The following UTRN variants were observed in gnomAD, a reference collection of about 807,000 sequenced individuals.
UTRN encodes the protein utrophin.
UTRN carries 283 observed loss-of-function variants against 463.9 expected under a neutral mutation model. The observed-to-expected ratio is 0.61, with a 90% confidence interval of 0.55 to 0.67. The LOEUF is 0.67. UTRN is among the 30% of genes least tolerant of loss of function. The pLI is 0.00. For missense variants in UTRN, 3,922 were observed against 4,084.3 expected (o/e 0.96, Z 1.08); for synonymous variants, 1,442 against 1,431.5 (o/e 1.01, Z -0.17).
At chr6:144,513,287 G>A (rs373272703) in intron 35 of UTRN, among the ~76,000 whole-genome samples, 29 of 152,122 alleles carry the variant, frequency 1.9e-4, no homozygotes, top group East Asian at 5.8e-4. Context: ...GTGTGGTGGC[G>A]CACACCTGTA....
intron 54 of UTRN, among the ~76,000 whole-genome samples, chr6:144,743,182 A>C (rs1355122433): frequency 6.6e-6 from 1 of 152,244 alleles, no homozygotes; most frequent in East Asian, 1.9e-4. Flanking sequence ...TGGCTACTAT[A>C]AAATCAATAT....
chr6:144,624,452 T>C (rs1562666654), intron 51 of UTRN, among the ~76,000 whole-genome samples: 3 of 152,024 alleles, frequency 2.0e-5, no homozygotes, highest in African/African-American at 2.4e-5. Context: ...TCACTGAAAA[T>C]GGAAAAGCAG....
chr6:144,393,582 G>A (rs62427161), intron 2 of UTRN, among the ~76,000 whole-genome samples: 1,623 of 152,324 alleles, frequency 0.011, 17 homozygotes, highest in Non-Finnish European at 0.016. Flanking sequence ...GGTACAGCAG[G>A]ATGGCTCTGT....
intron 51 of UTRN, among the ~76,000 whole-genome samples, chr6:144,600,159 T>G (rs1804093424): frequency 6.6e-6 from 1 of 152,190 alleles, no homozygotes; most frequent in East Asian, 1.9e-4. Flanking sequence ...GGCCTCCCTA[T>G]TCCCTGAGAC....
In UTRN at chr6:144,438,844, C is replaced by G; in HGVS notation, c.1341C>G (p.Cys447Trp). 1 of 1,614,174 alleles carries G rather than the reference C, an allele frequency of 6.2e-7. No individual in the cohort carries two copies. Among genetic ancestry groups the G allele is most frequent in the Non-Finnish European group, 8.5e-7 (1 of 1,180,022 alleles). The change falls in exon 12 of 75, where the codon TGC becomes TGG. Residue 447 changes from cysteine to tryptophan, a missense_variant. Around this residue, in one of 3 missense-constraint regions of UTRN, gnomAD observed 2,349 missense variants for 2,303.8 expected, o/e 1.02. Coordinates refer to ENST00000367545, the MANE Select transcript of UTRN (RefSeq NM_007124.3). The part of the protein sequence containing the change: ...TEERIQKMET[C>W]PLDDDVKSLQ... ...AGCGCATTCAGAAGATGGAAACTTGCCCCCTGGATGATGATGTAAAATCTC... is the reference window on the plus strand; with the variant it reads ...AGCGCATTCAGAAGATGGAAACTTGGCCCCTGGATGATGATGTAAAATCTC...
chr6:144,727,278 A>G (rs1392929205), intron 53 of UTRN, among the ~76,000 whole-genome samples: 1 of 151,884 alleles, frequency 6.6e-6, no homozygotes, highest in Non-Finnish European at 1.5e-5. Flanking sequence ...TTTCTGGTTG[A>G]TCTTTTGTGC....
intron 2 of UTRN, among the ~76,000 whole-genome samples, chr6:144,365,034 C>T (rs893436014): frequency 6.6e-6 from 1 of 152,172 alleles, no homozygotes; most frequent in Non-Finnish European, 1.5e-5. Flanking sequence ...CTCAATTTAC[C>T]CCTTGCTGTG....
rs868557236 is a variant in UTRN, at chr6:144,650,887, C to T, written c.7480-27519C>T. On this transcript the variant is annotated intron_variant, in intron 51 of 74. Coordinates refer to ENST00000367545, the MANE Select transcript of UTRN (RefSeq NM_007124.3). ...CTGCGCTACTGCACTCCAGCCTGAG[C>T]GACAGAGCAAGACTCTGTCTCAAAT... Among the ~76,000 whole-genome samples, 16 of 151,988 alleles carry T rather than the reference C, an allele frequency of 1.1e-4. No homozygotes were observed. In the South Asian group the frequency reaches 3.1e-3, roughly 30 times the overall value.
At chr6:144,765,700 T>C (rs1793226450) in intron 58 of UTRN, among the ~76,000 whole-genome samples, 1 of 152,188 alleles carries the variant, frequency 6.6e-6, no homozygotes, top group Admixed American at 6.5e-5. Context: ...CATGAGCCAC[T>C]GTGCCCAGCT....
chr6:144,775,433 T>C (rs1328401151), intron 60 of UTRN, among the ~76,000 whole-genome samples: 1 of 152,204 alleles, frequency 6.6e-6, no homozygotes, highest in Non-Finnish European at 1.5e-5. Flanking sequence ...GACTTTTGCA[T>C]AATCCACAGA....
At chr6:144,699,999 T>C in intron 52 of UTRN, 88 bp from the exon 53 acceptor site, 5 of 1,349,588 alleles carry the variant, frequency 3.7e-6, no homozygotes, top group Non-Finnish European at 4.9e-6. Context: ...TCAGATAAGA[T>C]TATTATGCTA....
At chr6:144,803,234 CTT>C in intron 65 of UTRN, 87 bp downstream of exon 65, 2 of 836,262 alleles carry the variant, frequency 2.4e-6, no homozygotes, top group Non-Finnish European at 3.2e-6. Flanking sequence ...TAGACTTAAT[CTT>C]TTTTGAAAAA....
chr6:144,668,772 A>G lies in UTRN; in HGVS notation c.7480-9634A>G, dbSNP rs565997943. 4.6e-5 allele frequency among the ~76,000 whole-genome samples: 7 copies of G among 152,262 alleles called. No individual in the cohort carries two copies. The South Asian group carries it at 1.0e-3, about 23-fold the overall frequency. On this transcript the variant is annotated intron_variant, in intron 51 of 74. Coordinates refer to ENST00000367545, the MANE Select transcript of UTRN (RefSeq NM_007124.3). ...CCCAAAGGCCCCACCTCCTAATACC[A>G]TTATTGTCAGGGTTAGGGGTTCAAA... is the stretch of plus-strand genomic sequence containing the variant.
intron 2 of UTRN, among the ~76,000 whole-genome samples, chr6:144,313,038 G>A (rs538041699): frequency 5.6e-4 from 86 of 152,254 alleles, no homozygotes; most frequent in Non-Finnish European, 1.1e-3. Context: ...AGGTGGCTCC[G>A]CTTCATATGG....
intron 61 of UTRN, among the ~76,000 whole-genome samples, chr6:144,787,592 C>T (rs899466853): frequency 1.3e-5 from 2 of 152,050 alleles, no homozygotes; most frequent in Non-Finnish European, 2.9e-5. Flanking sequence ...CTTTATATGT[C>T]ATAATATGCG....
At chr6:144,839,070 G>C (rs892070050) in intron 71 of UTRN, 103 bp from the exon 72 acceptor site, 1 of 835,012 alleles carries the variant, frequency 1.2e-6, no homozygotes, top group African/African-American at 1.7e-5. Context: ...ACTTCTATAT[G>C]ATTTAATTAT....
chr6:144,343,924 C>T (rs1777345428), intron 2 of UTRN, among the ~76,000 whole-genome samples: 1 of 151,888 alleles, frequency 6.6e-6, no homozygotes, highest in Admixed American at 6.6e-5. Flanking sequence ...AAGTTATAAT[C>T]TCTGTCATAG....
rs773651955 is a variant in UTRN at position 144,548,665 on chromosome 6, G to A, written c.6621G>A (p.Val2207=). ...CTCATCCTAATGTCCAAAAGGTGGT[G>A]CTAGTATCATCTGCGTCAGATATTC... ...IAAHPNVQKV[V]LVSSASDIPV... The change falls in exon 47 of 75, where the codon GTG becomes GTA. Residue 2207 remains valine (V), a synonymous_variant. Coordinates refer to ENST00000367545, the MANE Select transcript of UTRN (RefSeq NM_007124.3). 1.9e-6 allele frequency: 3 copies of A among 1,613,896 alleles called. No individual in the cohort carries two copies. Among genetic ancestry groups the A allele is most frequent in the Non-Finnish European group, 2.5e-6 (3 of 1,179,924 alleles).
chr6:144,833,011 G>C (rs1231031483), intron 69 of UTRN, among the ~76,000 whole-genome samples: 1 of 151,990 alleles, frequency 6.6e-6, no homozygotes, highest in African/African-American at 2.4e-5. Flanking sequence ...GTAGAGATGG[G>C]GTTTCACCAT....
Sources: allele counts gnomAD v4.1 joint callset (sites outside exome capture counted in the v4.1 genomes callset), GRCh38; gene constraint gnomAD v4.1.1; regional missense constraint gnomAD v4.1.1; transcripts MANE v1.5; gene names NCBI Gene and HGNC (gene_info 2026-07-23, HGNC 2026-07-21).